SETX: variants seen among roughly 807,000 people sequenced by gnomAD.
The protein encoded by SETX is senataxin, also known as helicase senataxin.
SETX carries 90 observed loss-of-function variants against 227.2 expected under a neutral mutation model. The observed-to-expected ratio is 0.40, with a 90% CI of 0.33 to 0.47. The LOEUF (loss-of-function observed/expected upper bound fraction) is 0.47. Ranked by LOEUF, SETX falls within the 20% of genes least tolerant of loss-of-function variation. The pLI is 0.91. For missense variants in SETX, 3,052 were observed against 3,181.5 expected (o/e 0.96, Z 0.98); for synonymous variants, 1,210 against 1,113.2 (o/e 1.09, Z -1.73).
intron 3 of SETX, among the ~76,000 whole-genome samples, chr9:132,346,850 G>A (rs995745542): frequency 3.3e-5 from 5 of 152,040 alleles, no homozygotes; most frequent in African/African-American, 1.2e-4. Context: ...AGCTTCTCTG[G>A]AGGCTGAAGC....
chr9:132,281,517 G>A lies in SETX; in HGVS notation c.6604C>T (p.Leu2202Phe), dbSNP rs1200073423. ...LTPLIHRCNK[L>F]ILVGDPKQLP... is the part of the protein sequence containing the mutation. ...TGCTTAGGATCTCCTACTAGGATGA[G>A]CTTATTGCAGCGATGGATGAGTGGA... Residue 2202 changes from leucine to phenylalanine, a missense_variant, in exon 20 of 26, where the codon CTC becomes TTC. Physicochemically the swap from Leu to Phe is conservative, Grantham distance 22. Coordinates refer to ENST00000224140, the MANE Select transcript of SETX (RefSeq NM_015046.7). The A allele has an allele frequency of 6.2e-7, 1 of 1,614,054 alleles. No homozygotes were observed. Among genetic ancestry groups the A allele is most frequent in the East Asian group, 2.2e-5 (1 of 44,872 alleles).
intron 4 of SETX, among the ~76,000 whole-genome samples, chr9:132,345,499 C>G (rs190803286): frequency 3.3e-5 from 5 of 152,268 alleles, no homozygotes; most frequent in African/African-American, 9.6e-5. Flanking sequence ...GTCTTGAACT[C>G]CTGACCTCAG....
At chr9:132,268,560 T>C (rs1233857222) in intron 25 of SETX, among the ~76,000 whole-genome samples, 1 of 128,090 alleles carries the variant, frequency 7.8e-6, no homozygotes, top group Non-Finnish European at 1.7e-5. Flanking sequence ...TTAAAGGCTT[T>C]TAATTCTAAA....
At chr9:132,271,514 A>G (rs113710719) in intron 24 of SETX, among the ~76,000 whole-genome samples, 196 bp downstream of exon 24, 1 of 152,166 alleles carries the variant, frequency 6.6e-6, no homozygotes, top group Non-Finnish European at 1.5e-5. Flanking sequence ...GCAGTGGGCC[A>G]AGATTGCACC....
intron 10 of SETX, among the ~76,000 whole-genome samples, chr9:132,314,545 C>CCA (rs1845855726): frequency 6.6e-6 from 1 of 152,090 alleles, no homozygotes; most frequent in African/African-American, 2.4e-5. Flanking sequence ...TATTAAAGGT[C>CCA]AGTGGTAATA....
At position 132,354,982 on chromosome 9, in the gene SETX, G is replaced by A. The variant is rs993715534; in HGVS notation, c.-180C>T. ...CGGGCCCCGCTCTAGGCCACCAGCG[G>A]AAGTGCGGGCCCGCAGCCGCAGCTA... On this transcript the variant is annotated 5_prime_UTR_variant, in exon 1 of 26. Transcript: ENST00000224140. The A allele has an allele frequency of 6.6e-6, 1 of 152,228 alleles. No homozygotes were observed. The highest frequency in any genetic ancestry group is 2.4e-5 in the African/African-American group (1 of 41,440). 9.4% of individuals were successfully genotyped at this position (152,228 alleles called of 1,614,324 possible).
chr9:132,344,443 T>C (rs759237903), intron 4 of SETX, among the ~76,000 whole-genome samples: 1 of 152,214 alleles, frequency 6.6e-6, no homozygotes, highest in Non-Finnish European at 1.5e-5. Flanking sequence ...GTGAGAAGAC[T>C]GTTTTGAATT....
intron 21 of SETX, 127 bp from the exon 22 acceptor site, chr9:132,277,279 T>A (rs1320951293): frequency 1.3e-6 from 1 of 772,944 alleles, no homozygotes; most frequent in Non-Finnish European, 2.2e-6. Flanking sequence ...GCAGGAATAT[T>A]CTTTTCTAGA....
Position 132,299,872 on chromosome 9 carries a change from G to T in SETX, c.5548+758C>A, listed in dbSNP as rs144066196. Among the ~76,000 whole-genome samples, 149 of 151,990 alleles carry T rather than the reference G, an allele frequency of 9.8e-4. 1 individual carries two copies. In the East Asian group the frequency reaches 0.025, roughly 25 times the overall value. ...GAAGGACAAGTCTCGGCTGGGCGCG[G>T]TGGCTCACGCCTGTAATCCCAGCAC... On this transcript the variant is annotated intron_variant, in intron 12 of 25. Coordinates refer to ENST00000224140, the MANE Select transcript of SETX (RefSeq NM_015046.7).
intron 3 of SETX, among the ~76,000 whole-genome samples, chr9:132,347,074 G>C (rs1479309862): frequency 6.6e-6 from 1 of 151,888 alleles, no homozygotes; most frequent in Non-Finnish European, 1.5e-5. Flanking sequence ...GACCAACACG[G>C]AGGAACCTCG....
intron 5 of SETX, among the ~76,000 whole-genome samples, chr9:132,340,238 T>C (rs1224675290): frequency 2.0e-5 from 3 of 152,196 alleles, no homozygotes; most frequent in Non-Finnish European, 4.4e-5. Flanking sequence ...CTAGGGTCCA[T>C]GTGCACAATG....
rs1843647128 is a variant in SETX at position 132,283,298 on chromosome 9, C to T, written c.6512G>A (p.Gly2171Glu). The T allele has an allele frequency of 6.2e-7, 1 of 1,614,038 alleles. No homozygotes were observed. Residue 2171 changes from glycine (G) to glutamate (E), a missense_variant, in exon 19 of 26, where the codon GGG becomes GAG. Gly to Glu is a moderately conservative substitution (Grantham distance 98). Around this residue, in one of 10 missense-constraint regions of SETX, gnomAD observed 412 missense variants for 589.0 expected, o/e 0.70. Coordinates refer to ENST00000224140, the MANE Select transcript of SETX (RefSeq NM_015046.7). The stretch of plus-strand genomic sequence containing the variant: ...AATGACACAGCTGAAGGGGACACCC[C>T]CTTGCCCACGGAAAGCAGACTCAAG... ...LLLESAFRGQGGVPFSCVIVD... is the reference protein window; with the variant it reads ...LLLESAFRGQEGVPFSCVIVD...
chr9:132,270,372 C>T (rs1391637963), intron 24 of SETX, among the ~76,000 whole-genome samples: 3 of 151,556 alleles, frequency 2.0e-5, no homozygotes, highest in Admixed American at 6.6e-5. Context: ...ATGTGAGACA[C>T]AGATGGACTC....
chr9:132,347,235 A>G (rs1295184296), intron 3 of SETX, among the ~76,000 whole-genome samples: 6 of 151,828 alleles, frequency 4.0e-5, no homozygotes, highest in Non-Finnish European at 8.8e-5. Flanking sequence ...CTGGGCAACA[A>G]CAGGGAAACT....
chr9:132,323,361 CAG>C (rs1260500101), intron 10 of SETX, among the ~76,000 whole-genome samples: 1 of 151,984 alleles, frequency 6.6e-6, no homozygotes, highest in African/African-American at 2.4e-5. Flanking sequence ...AAGGAAAACA[CAG>C]AGTTTGGAAG....
At chr9:132,318,625 A>G (rs1436683852) in intron 10 of SETX, among the ~76,000 whole-genome samples, 2 of 152,186 alleles carry the variant, frequency 1.3e-5, no homozygotes, top group Non-Finnish European at 2.9e-5. Flanking sequence ...CTTGGTTACA[A>G]TAATTCAGCC....
At chr9:132,311,994 C>T in intron 10 of SETX, 138 bp from the exon 11 acceptor site, 2 of 704,478 alleles carry the variant, frequency 2.8e-6, no homozygotes, top group Non-Finnish European at 2.5e-6. Flanking sequence ...TGATTCACGG[C>T]AGGTTAATAC....
In SETX at chr9:132,336,627, TTAATTAATGCAATGTG is replaced by T. The variant is rs1847640229; in HGVS notation, c.499-128_499-113del. On this transcript the variant is annotated intron_variant, in intron 5 of 25. Coordinates refer to ENST00000224140, the MANE Select transcript of SETX (RefSeq NM_015046.7). ...CATATTTTAAAAGACATGTGACATA[TTAATTAATGCAATGTG>T]TGGACCTTATTTGATCCTGATTTGA... 2.1e-5 allele frequency: 17 copies of T among 815,234 alleles called. No individual in the cohort carries two copies. In the South Asian group the frequency reaches 2.4e-4, roughly 11 times the overall value. The allele number at this position is 815,234 out of a possible 1,614,324, so 50.5% of individuals were successfully genotyped here.
intron 10 of SETX, among the ~76,000 whole-genome samples, chr9:132,322,286 T>C (rs1247152848): frequency 1.3e-5 from 2 of 152,164 alleles, no homozygotes; most frequent in East Asian, 3.8e-4. Context: ...TTTTTAGTAC[T>C]ATGGTTTTAT....
Sources: allele counts gnomAD v4.1 joint callset (sites outside exome capture counted in the v4.1 genomes callset), GRCh38; gene constraint gnomAD v4.1.1; regional missense constraint gnomAD v4.1.1; transcripts MANE v1.5; gene names NCBI Gene and HGNC (gene_info 2026-07-23, HGNC 2026-07-21).